The following GRAMD4 variants were observed in gnomAD, a reference collection of about 807,000 sequenced individuals.
GRAMD4 encodes GRAM domain-containing protein 4.
GRAMD4 carries 25 observed loss-of-function variants against 83.9 expected under a neutral mutation model. The ratio of observed to expected loss-of-function variants is 0.30; its 90% CI spans 0.22 to 0.42. GRAMD4 has a LOEUF of 0.42. GRAMD4 is among the 10% of genes least tolerant of loss of function. GRAMD4 has a pLI of 1.00. For missense variants in GRAMD4, 593 were observed against 788.7 expected, an observed-to-expected ratio of 0.75 and a Z score of 2.97; for synonymous variants, 336 against 320.9, an observed-to-expected ratio of 1.05 and a Z score of -0.50.
At chr22:46,650,101 T>G (rs886754438) in intron 3 of GRAMD4, among the ~76,000 whole-genome samples, 6 of 152,164 alleles carry the variant, frequency 3.9e-5, no homozygotes, top group African/African-American at 1.4e-4. Context: ...GGAGCAGCTT[T>G]TTGGGTGGAT....
intron 1 of GRAMD4, among the ~76,000 whole-genome samples, chr22:46,595,400 G>A (rs1293732775): frequency 6.6e-6 from 1 of 152,180 alleles, no homozygotes; most frequent in East Asian, 1.9e-4. Flanking sequence ...ATGCCACAAA[G>A]GTCCCCCACC....
chr22:46,618,495 G>A (rs1280196951), upstream of GRAMD4, among the ~76,000 whole-genome samples: 1 of 152,152 alleles, frequency 6.6e-6, no homozygotes, highest in Non-Finnish European at 1.5e-5. The surrounding 1 kb of genome is among the most constrained non-coding windows in gnomAD (Gnocchi z 5.8). Context: ...TGCAAAGGGG[G>A]TCGGCAGAGC....
intron 1 of GRAMD4, among the ~76,000 whole-genome samples, chr22:46,614,395 GTTCAT>G (rs1277797823): frequency 1.3e-5 from 2 of 152,242 alleles, no homozygotes; most frequent in East Asian, 1.9e-4. Flanking sequence ...GTCTGTAGCC[GTTCAT>G]TACGAATGGC....
chr22:46,626,379 G>A (rs570787388), intron 1 of GRAMD4, among the ~76,000 whole-genome samples: 1 of 152,216 alleles, frequency 6.6e-6, no homozygotes, highest in East Asian at 1.9e-4. Context: ...GCGCCGCCTC[G>A]CCGAGCCAGG....
intron 3 of GRAMD4, among the ~76,000 whole-genome samples, chr22:46,639,665 T>TG (rs1196158202): frequency 1.3e-5 from 2 of 151,932 alleles, no homozygotes; most frequent in African/African-American, 2.4e-5. Context: ...TGTGCAGCAG[T>TG]ATTACCGTGT....
rs2081448821 is a variant in GRAMD4 at position 46,614,397 on chromosome 22, T to A, written c.-49-12354T>A. ...AAAATTGTGTGAGGTCTGTAGCCGT[T>A]CATTACGAATGGCGTAAAAGCCTTG... On this transcript the variant is annotated intron_variant, in intron 1 of 1. Transcript: ENST00000431155. Among the ~76,000 whole-genome samples the A allele has an allele frequency of 4.6e-5, 7 of 152,372 alleles. No individual in the cohort carries two copies. The South Asian group carries it at 1.4e-3, about 32-fold the overall frequency.
intron 1 of GRAMD4, among the ~76,000 whole-genome samples, chr22:46,594,481 G>T (rs933790600): frequency 2.0e-5 from 3 of 152,126 alleles, no homozygotes; most frequent in African/African-American, 7.2e-5. Context: ...CGGGAGCACT[G>T]GCCAGAGGAG....
rs763937104 is a variant in GRAMD4, at chr22:46,673,042, C to T, written c.1239+45C>T. 5.8e-6 allele frequency: 8 copies of T among 1,390,136 alleles called. No homozygotes were observed. The Admixed American group carries it at 6.6e-5, about 12-fold the overall frequency. 86.1% of individuals were successfully genotyped at this position (1,390,136 alleles called of 1,614,324 possible). A position where few individuals can be genotyped will look rare whatever the true frequency, so the allele number is the denominator to read the frequency against. ...GCGGGGATGGGGGGATGGGGGGCCA[C>T]GAAGCCGGGCATCCCCAGGCCCACA... On this transcript the variant is annotated intron_variant, in intron 14 of 18. Transcript: ENST00000406902.
rs1384624589 is a variant in GRAMD4, at chr22:46,678,754, G to A, written c.*1503G>A. On this transcript the variant is annotated 3_prime_UTR_variant, in exon 19 of 19. Transcript: ENST00000406902. ...CCGATCCTCATTTGCTGGTGTGGGT[G>A]AGGGATCCGGCGGCATGGGCTGGTT... 4.1e-6 allele frequency: 4 copies of A among 985,824 alleles called. No individual in the cohort carries two copies. The highest frequency in any genetic ancestry group is 3.6e-6 in the Non-Finnish European group (3 of 829,990). 61.1% of individuals were successfully genotyped at this position (985,824 alleles called of 1,614,324 possible).
intron 1 of GRAMD4, among the ~76,000 whole-genome samples, chr22:46,597,706 G>T (rs1211563577): frequency 1.3e-5 from 2 of 151,980 alleles, no homozygotes; most frequent in Non-Finnish European, 2.9e-5. Flanking sequence ...AGCCAGGATG[G>T]TCTCGATCTC....
intron 1 of GRAMD4, among the ~76,000 whole-genome samples, chr22:46,577,663 A>G (rs572499693): frequency 6.6e-6 from 1 of 151,984 alleles, no homozygotes; most frequent in Admixed American, 6.5e-5. Flanking sequence ...GGGCCCGCCA[A>G]TGTCGTCCTG....
intron 1 of GRAMD4, among the ~76,000 whole-genome samples, chr22:46,582,097 A>G (rs1392509749): frequency 6.6e-6 from 1 of 152,034 alleles, no homozygotes; most frequent in African/African-American, 2.4e-5. Flanking sequence ...TGTGGAGGCC[A>G]TGGGTGGTCG....
Position 46,659,265 on chromosome 22 carries a change from TCA to T in GRAMD4, c.404+959_404+960del, listed in dbSNP as rs1231435085. 7.0e-6 allele frequency among the ~76,000 whole-genome samples: 1 copy of T among 142,702 alleles called. No homozygotes were observed. The highest frequency in any genetic ancestry group is 2.6e-5 in the African/African-American group (1 of 37,806). The allele number at this position is 142,702 out of a possible 152,430, so 93.6% of individuals were successfully genotyped here. ...CAGCCTCCCCCCTCAGTCTCCACCC[TCA>T]GTTTCTGCCCAGCCTCCCCCCAGCA... On this transcript the variant is annotated intron_variant, in intron 4 of 18. Transcript: ENST00000406902. This position sits in a 1 kb window ranked among gnomAD's most constrained non-coding sequence, Gnocchi z 4.1.
At chr22:46,647,438 C>G (rs545766227) in intron 3 of GRAMD4, among the ~76,000 whole-genome samples, 2 of 152,174 alleles carry the variant, frequency 1.3e-5, no homozygotes, top group Non-Finnish European at 2.9e-5. Flanking sequence ...CCTACCACAC[C>G]GAGTTCCTGG....
At chr22:46,648,672 G>A (rs1177722106) in intron 3 of GRAMD4, among the ~76,000 whole-genome samples, 1 of 151,146 alleles carries the variant, frequency 6.6e-6, no homozygotes, top group Non-Finnish European at 1.5e-5. Flanking sequence ...TTTGGTAATG[G>A]GTGGGTAAAT....
At chr22:46,618,734 CAGGCTGGG>C (rs2147128691), upstream of GRAMD4, among the ~76,000 whole-genome samples, 1 of 148,748 alleles carries the variant, frequency 6.7e-6, no homozygotes, top group African/African-American at 2.5e-5. The surrounding 1 kb of genome is among the most constrained non-coding windows in gnomAD (Gnocchi z 5.8). Context: ...CTGCCTGGAC[CAGGCTGGG>C]GTCGTGGGGA....
chr22:46,587,808 T>G, intron 1 of GRAMD4: 6 of 643,200 alleles, frequency 9.3e-6, no homozygotes, highest in Non-Finnish European at 9.7e-6. Flanking sequence ...TGCCTAACAG[T>G]GGAGGTGGCA....
chr22:46,619,132 T>C (rs2081540287), upstream of GRAMD4, among the ~76,000 whole-genome samples: 1 of 152,138 alleles, frequency 6.6e-6, no homozygotes. Context: ...GCAGCACACA[T>C]GTCATCAGTT....
upstream of GRAMD4, among the ~76,000 whole-genome samples, chr22:46,617,319 C>T (rs535850134): frequency 2.2e-5 from 3 of 137,246 alleles, no homozygotes; most frequent in African/African-American, 8.3e-5. Context: ...CCTGTGTGTA[C>T]GTTCCCCTAA....
Sources: allele counts gnomAD v4.1 joint callset (sites outside exome capture counted in the v4.1 genomes callset), GRCh38; gene constraint gnomAD v4.1.1; non-coding constraint Gnocchi (gnomAD v3.1); transcripts MANE v1.5; gene names NCBI Gene and HGNC (gene_info 2026-07-23, HGNC 2026-07-21).